LIPC: variants seen among roughly 807,000 people sequenced by gnomAD.
LIPC encodes hepatic triacylglycerol lipase.
LIPC carries 44 observed loss-of-function variants against 50.7 expected under a neutral mutation model. The observed-to-expected ratio is 0.87, with a 90% CI of 0.68 to 1.11. LIPC has a LOEUF of 1.11. Among genes scored for constraint, LIPC ranks in the 50% most tolerant of loss-of-function variants. The pLI is 0.00. For missense variants in LIPC, 697 were observed against 648.2 expected (o/e 1.08, Z -0.82); for synonymous variants, 271 against 256.4 (o/e 1.06, Z -0.54).
chr15:58,557,425 C>T (rs1269265804), intron 6 of LIPC, among the ~76,000 whole-genome samples: 3 of 110,258 alleles, frequency 2.7e-5, no homozygotes, highest in African/African-American at 1.0e-4. Flanking sequence ...TGCTCTGTCA[C>T]CCAGGCTGGA....
chr15:58,503,369 G>A (rs1458192807), intron 1 of LIPC, among the ~76,000 whole-genome samples: 12 of 152,152 alleles, frequency 7.9e-5, no homozygotes, highest in African/African-American at 2.7e-4. Flanking sequence ...CAGAGTCCAA[G>A]GTAGGACACT....
At chr15:58,486,056 G>C (rs1307235707) in intron 1 of LIPC, among the ~76,000 whole-genome samples, 1 of 152,202 alleles carries the variant, frequency 6.6e-6, no homozygotes, top group Non-Finnish European at 1.5e-5. Flanking sequence ...AAAGCCCACA[G>C]CATAACTAAG....
At chr15:58,509,969 A>T (rs76507613) in intron 1 of LIPC, among the ~76,000 whole-genome samples, 1 of 144,940 alleles carries the variant, frequency 6.9e-6, no homozygotes, top group Non-Finnish European at 1.5e-5. Flanking sequence ...TAAAAAAAAA[A>T]AGAGTTTAGA....
chr15:58,528,975 C>A lies in LIPC; in HGVS notation c.89-9358C>A, dbSNP rs145334106. Among the ~76,000 whole-genome samples, 31 of 152,270 alleles carry A rather than the reference C, an allele frequency of 2.0e-4. No homozygotes were observed. In the East Asian group the frequency reaches 3.5e-3, roughly 17 times the overall value. On this transcript the variant is annotated intron_variant, in intron 1 of 8. Coordinates refer to ENST00000299022, the MANE Select transcript of LIPC (RefSeq NM_000236.3). ...ACTTCATGAGGTAGGTGGCTCTGGG[C>A]TGAGACAGGACTTGCATATTCCTAG...
intron 1 of LIPC, among the ~76,000 whole-genome samples, chr15:58,536,567 G>C (rs569559673): frequency 6.6e-6 from 1 of 152,254 alleles, no homozygotes; most frequent in African/African-American, 2.4e-5. Flanking sequence ...CGAGAAGCTG[G>C]CATAGCAGTG....
Position 58,538,412 on chromosome 15 carries a change from A to G in LIPC, c.168A>G (p.Gly56=), listed in dbSNP as rs762421006. Residue 56 remains glycine (G), a synonymous_variant, in exon 2 of 9, where the codon GGA becomes GGG. Coordinates refer to ENST00000299022, the MANE Select transcript of LIPC (RefSeq NM_000236.3). ...HEMKTRFLLF[G]ETNQGCQIRI... ...TGAAGACCAGATTCCTGCTCTTTGG[A>G]GAAACCAATCAGGGCTGTCAGATTC... 7.4e-6 allele frequency: 12 copies of G among 1,614,074 alleles called. No homozygotes were observed. The African/African-American group carries it at 1.3e-4, about 18-fold the overall frequency.
chr15:58,526,245 T>TAATA (rs1452308727), intron 1 of LIPC, among the ~76,000 whole-genome samples: 1 of 152,128 alleles, frequency 6.6e-6, no homozygotes, highest in Non-Finnish European at 1.5e-5. Context: ...AAAAGTTAGG[T>TAATA]AATATATCAG....
At chr15:58,493,623 AAATAAAATTTATACAAAATTTATTACG>A (rs1891665035) in intron 1 of LIPC, among the ~76,000 whole-genome samples, 1 of 145,818 alleles carries the variant, frequency 6.9e-6, no homozygotes, top group Non-Finnish European at 1.5e-5. Flanking sequence ...TATTACGTAT[AAATAAAATTTATACAAAATTTATTACG>A]TATAAATAAA....
intron 2 of LIPC, among the ~76,000 whole-genome samples, chr15:58,540,700 G>A (rs1595933921): frequency 6.6e-6 from 1 of 152,200 alleles, no homozygotes; most frequent in African/African-American, 2.4e-5. Context: ...ATACCACACT[G>A]CCCTTTCATG....
At chr15:58,536,498 A>G (rs1441207180) in intron 1 of LIPC, among the ~76,000 whole-genome samples, 1 of 152,204 alleles carries the variant, frequency 6.6e-6, no homozygotes, top group Admixed American at 6.5e-5. Flanking sequence ...CACAGTGTGC[A>G]CGGGAACTAA....
At chr15:58,491,744 C>T (rs1384563933) in intron 1 of LIPC, among the ~76,000 whole-genome samples, 1 of 152,198 alleles carries the variant, frequency 6.6e-6, no homozygotes, top group Admixed American at 6.5e-5. Flanking sequence ...GGGAAACTGC[C>T]ATTGCCTGAC....
intron 7 of LIPC, 54 bp downstream of exon 7, chr15:58,561,035 A>G: frequency 1.1e-6 from 1 of 886,764 alleles, no homozygotes; most frequent in Non-Finnish European, 1.9e-6. Flanking sequence ...TTTCTTGCAG[A>G]ACATAAATGG....
intron 6 of LIPC, among the ~76,000 whole-genome samples, chr15:58,554,466 C>T (rs961995537): frequency 1.3e-5 from 2 of 152,150 alleles, no homozygotes; most frequent in Admixed American, 6.5e-5. Flanking sequence ...CAAAATCACT[C>T]ACACTTTTTT....
chr15:58,451,095 G>A (rs1433720909), intron 1 of LIPC, among the ~76,000 whole-genome samples: 10 of 152,168 alleles, frequency 6.6e-5, no homozygotes, highest in African/African-American at 2.4e-4. Context: ...CTAGTGGACT[G>A]GGCAAGCAAT....
intron 1 of LIPC, among the ~76,000 whole-genome samples, chr15:58,487,202 C>A (rs893464207): frequency 6.6e-6 from 1 of 152,156 alleles, no homozygotes; most frequent in Non-Finnish European, 1.5e-5. Flanking sequence ...TAAGAGTCCC[C>A]AGATGGTGAG....
intron 6 of LIPC, among the ~76,000 whole-genome samples, chr15:58,550,424 GCTT>G (rs1270406095): frequency 6.6e-6 from 1 of 152,178 alleles, no homozygotes; most frequent in African/African-American, 2.4e-5. Flanking sequence ...ACCAGGCTGA[GCTT>G]CTCCCATTTG....
intron 6 of LIPC, among the ~76,000 whole-genome samples, chr15:58,559,310 A>C (rs1894070033): frequency 6.6e-6 from 1 of 152,142 alleles, no homozygotes; most frequent in South Asian, 2.1e-4. Flanking sequence ...CGTCACCCCC[A>C]AGCAAACCAT....
chr15:58,503,169 CA>C (rs747839074), intron 1 of LIPC, among the ~76,000 whole-genome samples: 10 of 151,650 alleles, frequency 6.6e-5, no homozygotes, highest in Admixed American at 2.6e-4. Context: ...AATCCCATGT[CA>C]AAAAGGGGGA....
chr15:58,510,461 A>G (rs1892294502), intron 1 of LIPC, among the ~76,000 whole-genome samples: 1 of 152,248 alleles, frequency 6.6e-6, no homozygotes, highest in Non-Finnish European at 1.5e-5. Context: ...TAAATTTGAT[A>G]TTCATCATTA....
Sources: gnomAD v4.1 joint callset for allele counts (sites outside exome capture counted in the v4.1 genomes callset) on GRCh38, gnomAD v4.1.1 for gene constraint, MANE v1.5 for transcripts, NCBI Gene and HGNC (gene_info 2026-07-23, HGNC 2026-07-21) for gene names.